The following ZMAT4 variants were observed in gnomAD, a reference collection of about 807,000 sequenced individuals.
ZMAT4 encodes the protein zinc finger matrin-type protein 4.
Under a neutral mutation model 28.7 loss-of-function variants are expected in ZMAT4, and 17 were observed. The observed-to-expected ratio is 0.59, with a 90% CI of 0.41 to 0.89. The LOEUF is 0.89. Among genes scored for constraint, ZMAT4 ranks in the 40% least tolerant of loss-of-function variants. ZMAT4 has a pLI of 0.00. For missense variants in ZMAT4, 240 were observed against 283.8 expected (o/e 0.85, Z 1.11); for synonymous variants, 117 against 109.2 (o/e 1.07, Z -0.44).
At chr8:40,722,640 T>G (rs142780614) in intron 3 of ZMAT4, among the ~76,000 whole-genome samples, 1 of 152,192 alleles carries the variant, frequency 6.6e-6, no homozygotes, top group Non-Finnish European at 1.5e-5. Flanking sequence ...CTTTGATGCA[T>G]AAAAATAAAA....
chr8:40,661,742 G>A (rs1456317775), intron 5 of ZMAT4, among the ~76,000 whole-genome samples: 1 of 152,174 alleles, frequency 6.6e-6, no homozygotes, highest in Non-Finnish European at 1.5e-5. Context: ...CTTTTCAGAG[G>A]CAGCATAATG....
chr8:40,848,098 C>A (rs1159839325), intron 1 of ZMAT4, among the ~76,000 whole-genome samples: 1 of 152,184 alleles, frequency 6.6e-6, no homozygotes, highest in Non-Finnish European at 1.5e-5. Context: ...CTCCTTGTGT[C>A]ATCCACTGTC....
chr8:40,607,218 G>C (rs1805627059), intron 5 of ZMAT4, among the ~76,000 whole-genome samples: 1 of 147,010 alleles, frequency 6.8e-6, no homozygotes, highest in Non-Finnish European at 1.5e-5. Context: ...TCCGCCTCCT[G>C]GGTTCACGCC....
At chr8:40,540,925 A>G (rs188841876) in intron 6 of ZMAT4, among the ~76,000 whole-genome samples, 42 of 152,304 alleles carry the variant, frequency 2.8e-4, no homozygotes, top group Non-Finnish European at 2.9e-5. Context: ...AGGGGAGCAT[A>G]TGGCAGATGC....
At chr8:40,559,513 A>G (rs1295418056) in intron 6 of ZMAT4, among the ~76,000 whole-genome samples, 1 of 152,100 alleles carries the variant, frequency 6.6e-6, no homozygotes, top group African/African-American at 2.4e-5. Context: ...CTTGTTTAGC[A>G]CAAATCCTTG....
chr8:40,644,847 G>T lies in ZMAT4; in HGVS notation c.577+29857C>A, dbSNP rs140803740. 6.6e-3 allele frequency among the ~76,000 whole-genome samples: 998 copies of T among 152,248 alleles called. 18 individuals are homozygous for T. Among genetic ancestry groups the T allele is most frequent in the African/African-American group, 0.022 (932 of 41,546 alleles). ...ATGAAAATGGGACTTTCCCTCTGTG[G>T]TCTTTCTCTCAAAAACACATATCCC... is the stretch of plus-strand genomic sequence containing the variant. On this transcript the variant is annotated intron_variant, in intron 5 of 6. Transcript: ENST00000297737.
chr8:40,581,258 A>T lies in ZMAT4; in HGVS notation c.581T>A (p.Leu194Gln), dbSNP rs1431755745. 1 of 1,612,878 alleles carries T rather than the reference A, an allele frequency of 6.2e-7. No individual in the cohort carries two copies. The highest frequency in any genetic ancestry group is 1.7e-5 in the Admixed American group (1 of 59,994). Reference sequence around the variant, plus strand: ...GATGGTACATCTGTAATTGCGCCTCAGACCTGTGGACAACAGACAGACCTG... The same window carrying T: ...GATGGTACATCTGTAATTGCGCCTCTGACCTGTGGACAACAGACAGACCTG... ...TTLDMGELRG[L>Q]RRNYRCTICS... The change falls in exon 6 of 7, where the codon CTG becomes CAG. Residue 194 changes from leucine (L) to glutamine (Q), a missense_variant. Physicochemically the swap from Leu to Gln is moderately radical, Grantham distance 113 (BLOSUM62 -2). Transcript: ENST00000297737.
At chr8:40,824,694 A>C in intron 2 of ZMAT4, among the ~76,000 whole-genome samples, 1 of 149,692 alleles carries the variant, frequency 6.7e-6, no homozygotes, top group East Asian at 2.0e-4. Context: ...AGAAAAATAA[A>C]GAAAGAAAGA....
chr8:40,700,781 T>C (rs1259354768), intron 3 of ZMAT4, among the ~76,000 whole-genome samples: 1 of 152,124 alleles, frequency 6.6e-6, no homozygotes, highest in Non-Finnish European at 1.5e-5. Flanking sequence ...CCTTTGGGTC[T>C]CCTGGGTGCC....
At chr8:40,699,731 CTACTTACGCATGACATAGGTCA>C (rs1810050751) in intron 3 of ZMAT4, among the ~76,000 whole-genome samples, 3 of 152,302 alleles carry the variant, frequency 2.0e-5, no homozygotes, top group African/African-American at 7.2e-5. Context: ...ATTTTTTTAA[CTACTTACGCATGACATAGGTCA>C]AAGCGTGTAA....
chr8:40,699,212 G>A (rs1191970498), intron 3 of ZMAT4, among the ~76,000 whole-genome samples: 1 of 152,046 alleles, frequency 6.6e-6, no homozygotes, highest in East Asian at 1.9e-4. Context: ...GTTCCTGAAG[G>A]GTTCCAGCCC....
At chr8:40,533,744 T>A (rs998604167) in intron 6 of ZMAT4, among the ~76,000 whole-genome samples, 3 of 152,262 alleles carry the variant, frequency 2.0e-5, no homozygotes, top group Non-Finnish European at 4.4e-5. Context: ...TTTGAAATTT[T>A]GCCTTAGCAT....
chr8:40,863,935 T>C (rs1476339179), intron 1 of ZMAT4, among the ~76,000 whole-genome samples: 1 of 152,190 alleles, frequency 6.6e-6, no homozygotes, highest in East Asian at 1.9e-4. Flanking sequence ...TTCAATTAGA[T>C]CATAAAGTCC....
At chr8:40,684,593 T>C (rs760376228) in intron 4 of ZMAT4, among the ~76,000 whole-genome samples, 61 of 152,130 alleles carry the variant, frequency 4.0e-4, no homozygotes, top group Non-Finnish European at 7.3e-4. Flanking sequence ...GTGCTCAGGG[T>C]TGGGGAATGA....
intron 1 of ZMAT4, among the ~76,000 whole-genome samples, chr8:40,858,369 T>A (rs1429096611): frequency 6.6e-6 from 1 of 152,102 alleles, no homozygotes; most frequent in Non-Finnish European, 1.5e-5. Flanking sequence ...CTCCCTGAAG[T>A]CCCCTTAGTA....
intron 2 of ZMAT4, among the ~76,000 whole-genome samples, chr8:40,801,347 A>ATATATATATATATATATATATATAT (rs1174640469): frequency 2.3e-4 from 11 of 48,578 alleles, no homozygotes; most frequent in African/African-American, 1.0e-3. Context: ...TCTTTAAAAA[A>ATATATATATATATATATATATATAT]AAAAATATAT....
intron 5 of ZMAT4, among the ~76,000 whole-genome samples, chr8:40,647,111 C>T (rs1314469112): frequency 1.3e-5 from 2 of 152,144 alleles, no homozygotes; most frequent in Non-Finnish European, 2.9e-5. Context: ...TCTACAGCTC[C>T]CAGCGTGAGC....
intron 1 of ZMAT4, among the ~76,000 whole-genome samples, chr8:40,854,368 A>G (rs1303270131): frequency 1.3e-5 from 2 of 152,242 alleles, no homozygotes; most frequent in African/African-American, 4.8e-5. Context: ...TGAAGCTAGG[A>G]CAGCTCAAAG....
chr8:40,844,979 G>A lies in ZMAT4; in HGVS notation c.-4-19299C>T, dbSNP rs1029644963. On this transcript the variant is annotated intron_variant, in intron 1 of 6. Coordinates refer to ENST00000297737, the MANE Select transcript of ZMAT4 (RefSeq NM_024645.3). Reference sequence around the variant, plus strand: ...TTCTTCCAGCAAGGATGGTCCACTGGGTGACCTCACGACCATAAACTGCAC... The same window carrying A: ...TTCTTCCAGCAAGGATGGTCCACTGAGTGACCTCACGACCATAAACTGCAC... Among the ~76,000 whole-genome samples, 4 of 152,034 alleles carry A rather than the reference G, an allele frequency of 2.6e-5. No homozygotes were observed. In the South Asian group the frequency reaches 8.3e-4, roughly 32 times the overall value.
Sources: allele counts gnomAD v4.1 joint callset (sites outside exome capture counted in the v4.1 genomes callset), GRCh38; gene constraint gnomAD v4.1.1; transcripts MANE v1.5; gene names NCBI Gene and HGNC (gene_info 2026-07-23, HGNC 2026-07-21).